The following RANBP2 variants were observed in gnomAD, a reference collection of about 807,000 sequenced individuals.
RANBP2 encodes RAN binding protein 2, also known as E3 SUMO-protein ligase RanBP2.
In RANBP2, 57 loss-of-function variants were observed where a neutral mutation model predicts 303.6. That is an observed-to-expected ratio of 0.19 (90% CI 0.15 to 0.23). RANBP2 has a LOEUF of 0.23. Ranked by LOEUF, RANBP2 falls within the 10% of genes least tolerant of loss-of-function variation. The pLI, the probability that RANBP2 is intolerant of heterozygous loss-of-function variation, is 1.00. For synonymous variants in RANBP2, 1,167 were observed against 1,301.5 expected, an observed-to-expected ratio of 0.90 and a Z score of 2.23; for missense variants, 3,138 against 3,780.8, an observed-to-expected ratio of 0.83 and a Z score of 4.46.
At chr2:108,728,414 C>T (rs1208724000) in intron 1 of RANBP2, among the ~76,000 whole-genome samples, 2 of 152,162 alleles carry the variant, frequency 1.3e-5, no homozygotes, top group Non-Finnish European at 1.5e-5. Context: ...CTTCCTTGGC[C>T]TCCTGAGTAG....
At chr2:109,000,116 T>C in the RANBP2 span, among the ~76,000 whole-genome samples, 1 of 152,180 alleles carries the variant, frequency 6.6e-6, no homozygotes, top group African/African-American at 2.4e-5. Context: ...AGAGTGTGTA[T>C]CCTGGGGAAA....
At chr2:109,050,307 A>G in the RANBP2 span, among the ~76,000 whole-genome samples, 2 of 151,998 alleles carry the variant, frequency 1.3e-5, no homozygotes, top group South Asian at 4.2e-4. Flanking sequence ...AGGCTAGAGT[A>G]CAGTGGTGCA....
Position 108,766,426 on chromosome 2 carries a change from A to G in RANBP2, c.5887A>G (p.Lys1963Glu). ...STSGEGFQFG[K>E]KDPNFKGFSG... Reference sequence around the variant, plus strand: ...TTCAGGAGAAGGATTTCAGTTTGGCAAAAAAGACCCCAATTTCAAGGGATT... The same window carrying G: ...TTCAGGAGAAGGATTTCAGTTTGGCGAAAAAGACCCCAATTTCAAGGGATT... Residue 1963 changes from lysine (K) to glutamate (E), a missense_variant, in exon 20 of 29, where the codon AAA becomes GAA. Physicochemically the swap from Lys to Glu is moderately conservative, Grantham distance 56. Around this residue, in one of 20 missense-constraint regions of RANBP2, gnomAD observed 348 missense variants for 360.4 expected, o/e 0.97. Transcript: ENST00000283195. 2 of 1,611,978 alleles carry G rather than the reference A, an allele frequency of 1.2e-6. No homozygotes were observed. Among genetic ancestry groups the G allele is most frequent in the Non-Finnish European group, 1.7e-6 (2 of 1,179,836 alleles).
At chr2:109,357,265 T>C in the RANBP2 span, among the ~76,000 whole-genome samples, 1 of 152,024 alleles carries the variant, frequency 6.6e-6, no homozygotes, top group Non-Finnish European at 1.5e-5. Context: ...TGCTGCAAGC[T>C]CCGCCTCCCA....
the RANBP2 span, chr2:109,593,097 G>A: frequency 5.1e-5 from 82 of 1,596,850 alleles, no homozygotes; most frequent in Middle Eastern, 5.0e-4. Context: ...AGTTGTTTTC[G>A]TTGCCATGTG....
the RANBP2 span, among the ~76,000 whole-genome samples, chr2:109,162,479 A>G: frequency 6.6e-6 from 1 of 152,194 alleles, no homozygotes; most frequent in Admixed American, 6.5e-5. Flanking sequence ...CTTGTTACCT[A>G]TGTATACATG....
the RANBP2 span, among the ~76,000 whole-genome samples, chr2:109,210,521 A>G: frequency 3.9e-4 from 60 of 152,320 alleles, no homozygotes; most frequent in African/African-American, 1.4e-3. Context: ...CACCAACCAG[A>G]CAATGAGATG....
At chr2:109,523,660 G>C in the RANBP2 span, among the ~76,000 whole-genome samples, 1 of 152,172 alleles carries the variant, frequency 6.6e-6, no homozygotes, top group Admixed American at 6.5e-5. Context: ...CTGAGAAGCA[G>C]CTGCTGGCAC....
chr2:109,406,901 C>T, the RANBP2 span, among the ~76,000 whole-genome samples: 1 of 152,168 alleles, frequency 6.6e-6, no homozygotes, highest in Non-Finnish European at 1.5e-5. Context: ...TGGAGTCCAG[C>T]GGGGCCTTGA....
chr2:108,786,586 T>C (rs968300105), downstream of RANBP2, among the ~76,000 whole-genome samples: 4 of 151,876 alleles, frequency 2.6e-5, no homozygotes, highest in African/African-American at 9.7e-5. Flanking sequence ...GGCAGGACTA[T>C]CGCGGGGAGA....
At chr2:108,973,602 C>T in the RANBP2 span, among the ~76,000 whole-genome samples, 1 of 152,074 alleles carries the variant, frequency 6.6e-6, no homozygotes, top group East Asian at 1.9e-4. Context: ...CCCTCATCTG[C>T]AGGGTGCTGG....
At chr2:109,033,230 G>T in the RANBP2 span, among the ~76,000 whole-genome samples, 1 of 152,134 alleles carries the variant, frequency 6.6e-6, no homozygotes, top group Admixed American at 6.5e-5. Context: ...ATTCAGCCTC[G>T]CTCATTTCTG....
chr2:109,479,430 T>C, the RANBP2 span, among the ~76,000 whole-genome samples: 1 of 152,198 alleles, frequency 6.6e-6, no homozygotes, highest in African/African-American at 2.4e-5. Flanking sequence ...TTTCCTTGAG[T>C]TCAGTAGGAA....
the RANBP2 span, among the ~76,000 whole-genome samples, chr2:109,233,632 T>A: frequency 6.6e-6 from 1 of 152,252 alleles, no homozygotes; most frequent in Non-Finnish European, 1.5e-5. Context: ...ACCACCCTCT[T>A]CTACCCAGTA....
the RANBP2 span, among the ~76,000 whole-genome samples, chr2:109,467,985 G>T: frequency 5.8e-4 from 89 of 152,364 alleles, 2 homozygotes; most frequent in African/African-American, 2.1e-3. Flanking sequence ...AGACCCTGGA[G>T]GACCTCCTCA....
At chr2:109,114,293 A>T in the RANBP2 span, among the ~76,000 whole-genome samples, 2,395 of 152,352 alleles carry the variant, frequency 0.016, 29 homozygotes, top group Non-Finnish European at 0.025. Context: ...GCTATTGATT[A>T]TTGCCACAAT....
the RANBP2 span, among the ~76,000 whole-genome samples, chr2:108,913,511 A>G: frequency 6.6e-6 from 1 of 152,162 alleles, no homozygotes; most frequent in Non-Finnish European, 1.5e-5. Flanking sequence ...TATGCTCACT[A>G]TTAAAAATCT....
At chr2:109,598,270 G>A in the RANBP2 span, among the ~76,000 whole-genome samples, 2 of 151,950 alleles carry the variant, frequency 1.3e-5, no homozygotes, top group East Asian at 2.0e-4. Flanking sequence ...GTTTCTCCAC[G>A]TTGGTTAGGC....
the RANBP2 span, among the ~76,000 whole-genome samples, chr2:109,728,941 T>C: frequency 6.6e-6 from 1 of 152,164 alleles, no homozygotes; most frequent in Non-Finnish European, 1.5e-5. Flanking sequence ...CGGTACCATC[T>C]GGCTCAAGCA....
Sources: gnomAD v4.1 joint callset for allele counts (sites outside exome capture counted in the v4.1 genomes callset) on GRCh38, gnomAD v4.1.1 for gene constraint, gnomAD v4.1.1 regional missense constraint, MANE v1.5 for transcripts, NCBI Gene and HGNC (gene_info 2026-07-23, HGNC 2026-07-21) for gene names.